TOGARAM2: variants seen among roughly 807,000 people sequenced by gnomAD.
TOGARAM2 encodes TOG array regulator of axonemal microtubules 2.
Under a neutral mutation model 93.3 loss-of-function variants are expected in TOGARAM2, and 85 were observed. The observed-to-expected ratio is 0.91, with a 90% CI of 0.76 to 1.09. TOGARAM2 has a LOEUF of 1.09. Among genes scored for constraint, TOGARAM2 ranks in the 50% least tolerant of loss-of-function variants. The probability of loss-of-function intolerance (pLI) is 0.00; values close to 1 mark genes in which losing one functional copy is unlikely to be tolerated. For synonymous variants in TOGARAM2, 593 were observed against 552.8 expected (o/e 1.07, Z -1.02); for missense variants, 1,277 against 1,334.5 (o/e 0.96, Z 0.67).
chr2:29,010,907 G>C (rs1389500311), intron 6 of TOGARAM2, among the ~76,000 whole-genome samples: 2 of 152,170 alleles, frequency 1.3e-5, no homozygotes, highest in African/African-American at 4.8e-5. Flanking sequence ...GGGTAATTGG[G>C]ATTGAGCTTC....
At chr2:29,028,004 T>G (rs770116426) in intron 14 of TOGARAM2, among the ~76,000 whole-genome samples, 1 of 152,116 alleles carries the variant, frequency 6.6e-6, no homozygotes, top group Non-Finnish European at 1.5e-5. Context: ...TTGGAAGTCA[T>G]TGGAGTGTTT....
chr2:28,976,887 G>T (rs1048800466), upstream of TOGARAM2, among the ~76,000 whole-genome samples: 1 of 152,244 alleles, frequency 6.6e-6, no homozygotes, highest in Non-Finnish European at 1.5e-5. Flanking sequence ...GGTACTGACA[G>T]GGCCTTTCAG....
chr2:28,970,462 G>A (rs1671931508), intron 1 of TOGARAM2, among the ~76,000 whole-genome samples: 1 of 152,174 alleles, frequency 6.6e-6, no homozygotes, highest in African/African-American at 2.4e-5. Flanking sequence ...AATAATAAGT[G>A]GTAGCTCTGA....
chr2:29,038,668 C>G (rs965186309), intron 18 of TOGARAM2, among the ~76,000 whole-genome samples: 2 of 152,070 alleles, frequency 1.3e-5, no homozygotes, highest in African/African-American at 2.4e-5. Flanking sequence ...TGGTCTTGAA[C>G]TCCTGACCTC....
At chr2:29,004,292 A>T (rs2148293212) in intron 6 of TOGARAM2, among the ~76,000 whole-genome samples, 1 of 152,340 alleles carries the variant, frequency 6.6e-6, no homozygotes, top group African/African-American at 2.4e-5. Flanking sequence ...TATGAATAAA[A>T]CACTATTTTA....
rs1230703520 is a variant in TOGARAM2, at chr2:28,999,180, G to C, written c.140-1G>C. Reference sequence around the variant, plus strand: ...GCCATTCACACCTCTGTCCCCCTCAGGTTCTCTCCAGCCTGAGCCAAGAGC... The same window carrying C: ...GCCATTCACACCTCTGTCCCCCTCACGTTCTCTCCAGCCTGAGCCAAGAGC... On this transcript the variant is annotated splice_acceptor_variant, in intron 3 of 19. Coordinates refer to ENST00000379558, the MANE Select transcript of TOGARAM2 (RefSeq NM_199280.4). LOFTEE classifies it high-confidence loss of function. 8 of 1,609,936 alleles carry C rather than the reference G, an allele frequency of 5.0e-6. No individual in the cohort carries two copies. The highest frequency in any genetic ancestry group is 1.7e-4 in the Middle Eastern group (1 of 5,924).
At chr2:28,967,318 TA>T (rs1304287459) in intron 1 of TOGARAM2, among the ~76,000 whole-genome samples, 2 of 150,784 alleles carry the variant, frequency 1.3e-5, no homozygotes, top group Middle Eastern at 3.4e-3. Flanking sequence ...CTACAAATAA[TA>T]AAAAAAATAG....
At chr2:29,003,399 C>T (rs1673420918) in intron 5 of TOGARAM2, 93 bp from the exon 6 acceptor site, 2 of 1,090,514 alleles carry the variant, frequency 1.8e-6, no homozygotes, top group South Asian at 5.4e-5. Context: ...TGAAAAGAGA[C>T]AGCAGGTCCC....
chr2:28,992,392 C>T (rs368506602), intron 1 of TOGARAM2, among the ~76,000 whole-genome samples: 34 of 152,230 alleles, frequency 2.2e-4, no homozygotes, highest in African/African-American at 7.5e-4. Context: ...CTCAAAGGGG[C>T]TCTGCTGGAG....
chr2:29,035,747 G>T (rs1666070660), intron 17 of TOGARAM2, 91 bp downstream of exon 17: 3 of 1,213,982 alleles, frequency 2.5e-6, no homozygotes, highest in Non-Finnish European at 3.2e-6. Flanking sequence ...TTGGACATGT[G>T]TCAGACCCCT....
intron 18 of TOGARAM2, among the ~76,000 whole-genome samples, chr2:29,042,757 C>T (rs775377605): frequency 2.0e-5 from 3 of 152,198 alleles, no homozygotes; most frequent in Non-Finnish European, 2.9e-5. Flanking sequence ...GCCAGACGGG[C>T]ATTCTCTCTT....
chr2:28,972,773 G>T (rs1408701901), intron 1 of TOGARAM2, among the ~76,000 whole-genome samples: 2 of 152,068 alleles, frequency 1.3e-5, no homozygotes, highest in Non-Finnish European at 2.9e-5. Context: ...CATATTCCAG[G>T]GTCCCTGAGC....
chr2:29,016,677 G>A (rs1017155073), intron 8 of TOGARAM2, among the ~76,000 whole-genome samples: 1 of 152,252 alleles, frequency 6.6e-6, no homozygotes, highest in East Asian at 1.9e-4. Flanking sequence ...GGGTGATGTG[G>A]ATCCTGCCCC....
intron 19 of TOGARAM2, chr2:29,046,867 G>A: frequency 6.5e-6 from 1 of 153,324 alleles, no homozygotes; most frequent in Non-Finnish European, 1.5e-5. Context: ...ACTTGTGGCT[G>A]CCCTGCCCGG....
At chr2:28,983,215 T>A (rs1370039919) in intron 1 of TOGARAM2, among the ~76,000 whole-genome samples, 22 of 125,004 alleles carry the variant, frequency 1.8e-4, no homozygotes, top group Non-Finnish European at 2.7e-4. Context: ...TTTTTTTTTT[T>A]TTTTTTTTTT....
At chr2:28,986,057 G>A (rs1210776499) in intron 1 of TOGARAM2, among the ~76,000 whole-genome samples, 3 of 147,628 alleles carry the variant, frequency 2.0e-5, no homozygotes, top group Non-Finnish European at 4.5e-5. Flanking sequence ...AGGTTGCAGT[G>A]AGCTGAGATC....
Position 28,990,136 on chromosome 2 carries a change from T to C in TOGARAM2, c.-110-4589T>C, listed in dbSNP as rs79604715. Among the ~76,000 whole-genome samples, 717 of 152,230 alleles carry C rather than the reference T, an allele frequency of 4.7e-3. 7 individuals are homozygous for C. The highest frequency in any genetic ancestry group is 0.016 in the African/African-American group (679 of 41,520). On this transcript the variant is annotated intron_variant, in intron 1 of 19. Coordinates refer to ENST00000379558, the MANE Select transcript of TOGARAM2 (RefSeq NM_199280.4). The stretch of plus-strand genomic sequence containing the variant: ...ATTGGAAGCATGGGTAGCTGTTTCT[T>C]GTCCACAGGGAGACAGCACGAGATA...
At chr2:29,028,717 G>T (rs1186806880) in intron 14 of TOGARAM2, among the ~76,000 whole-genome samples, 1 of 152,200 alleles carries the variant, frequency 6.6e-6, no homozygotes. Context: ...GTCCAGGCAA[G>T]AGGGGCTGGA....
At chr2:28,993,813 C>G (rs1672858199) in intron 1 of TOGARAM2, among the ~76,000 whole-genome samples, 1 of 152,224 alleles carries the variant, frequency 6.6e-6, no homozygotes, top group African/African-American at 2.4e-5. Flanking sequence ...GGCTGGCTTC[C>G]AGACAGAAGG....
Sources: allele counts gnomAD v4.1 joint callset (sites outside exome capture counted in the v4.1 genomes callset), GRCh38; gene constraint gnomAD v4.1.1; transcripts MANE v1.5; gene names NCBI Gene and HGNC (gene_info 2026-07-23, HGNC 2026-07-21).